Variants in SUPT6H observed in about 807,000 individuals in gnomAD.
The protein encoded by SUPT6H is SPT6 homolog, histone chaperone and transcription elongation factor.
In SUPT6H, 11 loss-of-function variants were observed where a neutral mutation model predicts 222.3. That is an observed-to-expected ratio of 0.05 (90% CI 0.03 to 0.08). The LOEUF is 0.08. SUPT6H is among the 10% of genes least tolerant of loss of function. The probability of loss-of-function intolerance (pLI) is 1.00; values close to 1 mark genes in which losing one functional copy is unlikely to be tolerated. For synonymous variants in SUPT6H, 762 were observed against 801.2 expected, an observed-to-expected ratio of 0.95 and a Z score of 0.83; for missense variants, 1,422 against 2,216.0, an observed-to-expected ratio of 0.64 and a Z score of 7.19.
chr17:28,663,935 G>A (rs907824123), intron 1 of SUPT6H, among the ~76,000 whole-genome samples: 3 of 147,022 alleles, frequency 2.0e-5, no homozygotes, highest in African/African-American at 7.6e-5. Context: ...AGCTCAAGCA[G>A]TCCTCCTGAG....
At chr17:28,666,655 G>A (rs889639282) in intron 1 of SUPT6H, among the ~76,000 whole-genome samples, 17 of 151,394 alleles carry the variant, frequency 1.1e-4, no homozygotes, top group Admixed American at 7.3e-4. Flanking sequence ...ACGTTCAAGC[G>A]ATTCTCCTGC....
At chr17:28,664,444 G>C (rs1341010435) in intron 1 of SUPT6H, among the ~76,000 whole-genome samples, 1 of 152,198 alleles carries the variant, frequency 6.6e-6, no homozygotes, top group African/African-American at 2.4e-5. Flanking sequence ...AGGCAGAGGT[G>C]CAGTGAGCAG....
chr17:28,664,961 A>C (rs1335976109), intron 1 of SUPT6H, among the ~76,000 whole-genome samples: 1 of 152,078 alleles, frequency 6.6e-6, no homozygotes, highest in African/African-American at 2.4e-5. Context: ...TTACCACCTT[A>C]TTCCAAGCCA....
chr17:28,682,156 C>T (rs1003829182), intron 13 of SUPT6H, 176 bp downstream of exon 13: 3 of 514,324 alleles, frequency 5.8e-6, no homozygotes, highest in African/African-American at 1.9e-5. Context: ...CATTCCCGCC[C>T]GACATGATGG....
At chr17:28,676,130 C>G in intron 6 of SUPT6H, 27 bp from the exon 7 acceptor site, 1 of 1,552,030 alleles carries the variant, frequency 6.4e-7, no homozygotes, top group Non-Finnish European at 8.7e-7. Context: ...TGAACCTGAG[C>G]CACCTGCCTC....
rs1035235422 is a variant in SUPT6H at position 28,693,158 on chromosome 17, A to T, written c.3634-538A>T. On this transcript the variant is annotated intron_variant, in intron 27 of 36. Coordinates refer to ENST00000314616, the MANE Select transcript of SUPT6H (RefSeq NM_003170.5). Reference sequence around the variant, plus strand: ...ACACTTCAGCCTAGGCAAAAGAGTGATACTGTCATAAGAAAAAGATGGCTA... The same window carrying T: ...ACACTTCAGCCTAGGCAAAAGAGTGTTACTGTCATAAGAAAAAGATGGCTA... Among the ~76,000 whole-genome samples, 5 of 151,976 alleles carry T rather than the reference A, an allele frequency of 3.3e-5. No homozygotes were observed. In the South Asian group the frequency reaches 6.2e-4, roughly 19 times the overall value.
At chr17:28,675,865 G>A (rs2151619547) in intron 6 of SUPT6H, among the ~76,000 whole-genome samples, 1 of 152,320 alleles carries the variant, frequency 6.6e-6, no homozygotes, top group East Asian at 1.9e-4. Context: ...ATACTGTAAT[G>A]CCTTAGCAGA....
intron 27 of SUPT6H, among the ~76,000 whole-genome samples, chr17:28,693,038 C>T (rs577040106): frequency 2.0e-5 from 3 of 149,926 alleles, no homozygotes; most frequent in South Asian, 2.1e-4. Context: ...GACTTGGGGG[C>T]GTGCGCTTAT....
intron 1 of SUPT6H, among the ~76,000 whole-genome samples, chr17:28,664,560 A>G (rs1386174751): frequency 6.6e-6 from 1 of 152,240 alleles, no homozygotes; most frequent in African/African-American, 2.4e-5. Context: ...CGAGCCTTCT[A>G]CATGCTTCCC....
intron 12 of SUPT6H, 76 bp from the exon 13 acceptor site, chr17:28,681,806 C>T (rs1334180464): frequency 7.6e-7 from 1 of 1,315,242 alleles, no homozygotes; most frequent in Non-Finnish European, 1.1e-6. Flanking sequence ...CCCTTTGAGG[C>T]TTCTCTCCTA....
chr17:28,671,238 AGT>A (rs1252720794), intron 1 of SUPT6H: 1 of 152,214 alleles, frequency 6.6e-6, no homozygotes, highest in Non-Finnish European at 1.5e-5. Flanking sequence ...AAACGTAAGT[AGT>A]TTATTTAACA....
chr17:28,698,109 C>T, intron 32 of SUPT6H, 79 bp downstream of exon 32: 1 of 1,512,050 alleles, frequency 6.6e-7, no homozygotes, highest in Non-Finnish European at 8.8e-7. Context: ...CGGAGCAGTG[C>T]CCTCTCTGGC....
At chr17:28,679,627 G>C (rs890064417) in intron 11 of SUPT6H, among the ~76,000 whole-genome samples, 1 of 151,752 alleles carries the variant, frequency 6.6e-6, no homozygotes, top group South Asian at 2.1e-4. Flanking sequence ...TGATCTGCCC[G>C]CCTCGGCCTC....
chr17:28,697,844 C>G, intron 31 of SUPT6H, 62 bp from the exon 32 acceptor site: 1 of 1,607,526 alleles, frequency 6.2e-7, no homozygotes, highest in Non-Finnish European at 8.5e-7. Flanking sequence ...ATCATGTGTG[C>G]ACCAGACGTT....
At chr17:28,672,009 A>AT (rs1459266475) in intron 1 of SUPT6H, among the ~76,000 whole-genome samples, 2 of 152,154 alleles carry the variant, frequency 1.3e-5, no homozygotes, top group African/African-American at 4.8e-5. Context: ...GCCTTTCAAG[A>AT]TTTTTTGCCT....
At chr17:28,673,189 C>A (rs528447066) in intron 1 of SUPT6H, among the ~76,000 whole-genome samples, 182 bp from the exon 2 acceptor site, 2 of 150,832 alleles carry the variant, frequency 1.3e-5, no homozygotes, top group African/African-American at 2.4e-5. Context: ...AGAAGCAATG[C>A]TGGGAGGAAT....
Position 28,702,534 on chromosome 17 carries a change from TG to T in SUPT6H, c.*911del, listed in dbSNP as rs2032173093. The T allele has an allele frequency of 6.6e-6, 1 of 152,432 alleles. No homozygotes were observed. Among genetic ancestry groups the T allele is most frequent in the Non-Finnish European group, 1.5e-5 (1 of 68,096 alleles). 9.4% of individuals were successfully genotyped at this position (152,432 alleles called of 1,614,324 possible). ...ACCAAGGCAGCGTGTGCAAGCTCCT[TG>T]GCCCAACGCCTGGTACGTCGCAAAT... On this transcript the variant is annotated 3_prime_UTR_variant, in exon 37 of 37. Coordinates refer to ENST00000314616, the MANE Select transcript of SUPT6H (RefSeq NM_003170.5).
intron 8 of SUPT6H, 71 bp downstream of exon 8, chr17:28,677,887 C>A: frequency 6.9e-7 from 1 of 1,445,928 alleles, no homozygotes; most frequent in Non-Finnish European, 9.7e-7. Context: ...AGCTCTTCCT[C>A]CCCTATTTCA....
rs2030921217 is a variant in SUPT6H at position 28,678,955 on chromosome 17, C to T, written c.1341C>T (p.Asp447=). 6.2e-7 allele frequency: 1 copy of T among 1,614,120 alleles called. No individual in the cohort carries two copies. The highest frequency in any genetic ancestry group is 8.5e-7 in the Non-Finnish European group (1 of 1,180,060). Residue 447 remains aspartate (D), a synonymous_variant, in exon 11 of 37, where the codon GAC becomes GAT. Coordinates refer to ENST00000314616, the MANE Select transcript of SUPT6H (RefSeq NM_003170.5). The part of the protein sequence containing the change: ...ADGIRALDTT[D]MERLKDVQSM... The stretch of plus-strand genomic sequence containing the variant: ...GCATCCGGGCTCTGGACACCACTGA[C>T]ATGGAGAGGTAAAACATGCGGTGTT...
Sources: gnomAD v4.1 joint callset for allele counts (sites outside exome capture counted in the v4.1 genomes callset) on GRCh38, gnomAD v4.1.1 for gene constraint, MANE v1.5 for transcripts, NCBI Gene and HGNC (gene_info 2026-07-23, HGNC 2026-07-21) for gene names.